PTPN6: variants seen among roughly 807,000 people sequenced by gnomAD.
PTPN6 encodes protein tyrosine phosphatase non-receptor type 6.
PTPN6 carries 18 observed loss-of-function variants against 81.5 expected under a neutral mutation model. The ratio of observed to expected loss-of-function variants is 0.22; its 90% confidence interval spans 0.15 to 0.33. The LOEUF (loss-of-function observed/expected upper bound fraction) is 0.33, where lower values mean the gene tolerates loss of function less well. Among genes scored for constraint, PTPN6 ranks in the 10% least tolerant of loss-of-function variants. The pLI, the probability that PTPN6 is intolerant of heterozygous loss-of-function variation, is 1.00. For synonymous variants in PTPN6, 301 were observed against 310.9 expected (o/e 0.97, Z 0.33); for missense variants, 500 against 794.2 (o/e 0.63, Z 4.45).
chr12:6,954,697 C>T lies in PTPN6; in HGVS notation c.327-108C>T. Reference sequence around the variant, plus strand: ...GGATTTGGAAGCATGTAGCGCAGTGCCTGGCACACAGTAGGTGCTTGATTT... The same window carrying T: ...GGATTTGGAAGCATGTAGCGCAGTGTCTGGCACACAGTAGGTGCTTGATTT... On this transcript the variant is annotated intron_variant, in intron 3 of 15. Transcript: ENST00000318974. The surrounding 1 kb of genome is among the most constrained non-coding windows in gnomAD (Gnocchi z 5.4). 1 of 1,132,880 alleles carries T rather than the reference C, an allele frequency of 8.8e-7. No homozygotes were observed. The highest frequency in any genetic ancestry group is 1.3e-5 in the South Asian group (1 of 75,368). 70.2% of individuals were successfully genotyped at this position (1,132,880 alleles called of 1,614,324 possible).
In PTPN6 at chr12:6,951,768, ACT is replaced by A. The variant is rs1555147797; in HGVS notation, c.131+42_131+43del. ...CCCCGCAACCCCGGGCATTTTGGCCACTCTCTTGTGCCATCCAGGCCCTGAAC... is the reference window on the plus strand; with the variant it reads ...CCCCGCAACCCCGGGCATTTTGGCCACTCTTGTGCCATCCAGGCCCTGAAC... On this transcript the variant is annotated intron_variant, in intron 2 of 15. Coordinates refer to ENST00000318974, the MANE Select transcript of PTPN6 (RefSeq NM_002831.6). The surrounding 1 kb of genome is among the most constrained non-coding windows in gnomAD (Gnocchi z 7.2). 6.2e-7 allele frequency: 1 copy of A among 1,606,352 alleles called. No individual in the cohort carries two copies. The highest frequency in any genetic ancestry group is 1.7e-5 in the Admixed American group (1 of 59,986).
chr12:6,948,524 GAAGA>G (rs1311788154), upstream of PTPN6, among the ~76,000 whole-genome samples: 4 of 145,126 alleles, frequency 2.8e-5, no homozygotes, highest in Admixed American at 1.4e-4. Flanking sequence ...GAGCGAGAAA[GAAGA>G]AAGAAAAGGA....
chr12:6,949,930 T>C (rs1487564903), upstream of PTPN6, among the ~76,000 whole-genome samples: 2 of 126,832 alleles, frequency 1.6e-5, no homozygotes, highest in African/African-American at 3.1e-5. Context: ...TACAGGCATG[T>C]GCCACCACAC....
chr12:6,958,136 G>A (rs1946065573), intron 11 of PTPN6, 63 bp downstream of exon 11: 2 of 1,588,524 alleles, frequency 1.3e-6, no homozygotes, highest in East Asian at 4.5e-5. Flanking sequence ...TAAGTGCCAT[G>A]AGCTGTTATA....
Position 6,954,035 on chromosome 12 carries a change from TAC to T in PTPN6, c.327-768_327-767del, listed in dbSNP as rs1183400925. 1.3e-5 allele frequency among the ~76,000 whole-genome samples: 2 copies of T among 152,218 alleles called. No individual in the cohort carries two copies. The highest frequency in any genetic ancestry group is 3.8e-4 in the East Asian group (2 of 5,196). The stretch of plus-strand genomic sequence containing the variant: ...CCTGTGGGGCTGGGCTTTGTGGGGC[TAC>T]AGTTTCCTCCTGGGAAAGGGGTGTG... On this transcript the variant is annotated intron_variant, in intron 3 of 15. Transcript: ENST00000318974. This position sits in a 1 kb window ranked among gnomAD's most constrained non-coding sequence, Gnocchi z 5.4.
In PTPN6 at chr12:6,952,428, C is replaced by G. The variant is rs1049721061; in HGVS notation, c.326+251C>G. On this transcript the variant is annotated intron_variant, in intron 3 of 15. Transcript: ENST00000318974. This position sits in a 1 kb window ranked among gnomAD's most constrained non-coding sequence, Gnocchi z 8.1. ...AAGCTGCCTCGCCCTACTCCGGGAGCCCTGGCCGCTGCAACCCAGGTCCCA... is the reference window on the plus strand; with the variant it reads ...AAGCTGCCTCGCCCTACTCCGGGAGGCCTGGCCGCTGCAACCCAGGTCCCA... 4 of 568,124 alleles carry G rather than the reference C, an allele frequency of 7.0e-6. No homozygotes were observed. The highest frequency in any genetic ancestry group is 5.6e-5 in the African/African-American group (3 of 53,326). The allele number at this position is 568,124 out of a possible 1,614,324, so 35.2% of individuals were successfully genotyped here. A position where few individuals can be genotyped will look rare whatever the true frequency, so the allele number is the denominator to read the frequency against.
At position 6,956,130 on chromosome 12, in the gene PTPN6, G is replaced by A. The variant is rs373467048; in HGVS notation, c.845-12G>A. On this transcript the variant is annotated splice_polypyrimidine_tract_variant and intron_variant, in intron 7 of 15. Coordinates refer to ENST00000318974, the MANE Select transcript of PTPN6 (RefSeq NM_002831.6). The surrounding 1 kb of genome is among the most constrained non-coding windows in gnomAD (Gnocchi z 4.1). The stretch of plus-strand genomic sequence containing the variant: ...ACCCAGACCATCTCGCCTCCTCTCC[G>A]CCCACTCCCAGTTGACCACAGCCGA... 2.3e-4 allele frequency: 378 copies of A among 1,614,016 alleles called. No homozygotes were observed. In the African/African-American group the frequency reaches 4.2e-3, roughly 18 times the overall value.
rs368398907 is a variant in PTPN6 at position 6,958,039 on chromosome 12, C to T, written c.1327C>T (p.Leu443=). 1 of 1,612,946 alleles carries T rather than the reference C, an allele frequency of 6.2e-7. No individual in the cohort carries two copies. Among genetic ancestry groups the T allele is most frequent in the Non-Finnish European group, 8.5e-7 (1 of 1,180,042 alleles). The change falls in exon 11 of 16, where the codon CTG becomes TTG. Residue 443 remains leucine (L), a synonymous_variant. Coordinates refer to ENST00000318974, the MANE Select transcript of PTPN6 (RefSeq NM_002831.6). ...CCAGATCAACCAGCGGCAGGAAAGT[C>T]TGCCTCACGCAGGGCCCATCATCGT... is the stretch of plus-strand genomic sequence containing the variant. ...LDQINQRQES[L]PHAGPIIVHC...
rs183860187 is a variant in PTPN6, at chr12:6,959,497, G to A, written c.1362-430G>A. The stretch of plus-strand genomic sequence containing the variant: ...GTCTCAGGGCTATCCTTTCCCTGAC[G>A]TCAGGGTTTGAAGGAAAAGGGAAGT... On this transcript the variant is annotated intron_variant, in intron 11 of 15. Transcript: ENST00000318974. This position sits in a 1 kb window ranked among gnomAD's most constrained non-coding sequence, Gnocchi z 6.6. 1.7e-5 allele frequency: 5 copies of A among 298,466 alleles called. No individual in the cohort carries two copies. The highest frequency in any genetic ancestry group is 3.3e-5 in the Non-Finnish European group (5 of 152,922). The allele number at this position is 298,466 out of a possible 1,614,324, so 18.5% of individuals were successfully genotyped here.
chr12:6,953,824 G>A (rs1555148134), intron 3 of PTPN6, among the ~76,000 whole-genome samples: 1 of 152,080 alleles, frequency 6.6e-6, no homozygotes, highest in Non-Finnish European at 1.5e-5. Context: ...GGGGTCTCTC[G>A]GCTGGAGTCA....
At chr12:6,946,857 C>A, upstream of PTPN6, 1 of 1,186,776 alleles carries the variant, frequency 8.4e-7, no homozygotes, top group Non-Finnish European at 1.2e-6. Flanking sequence ...CTGCCCTGCG[C>A]CTGTTTCCGG....
Position 6,954,695 on chromosome 12 carries a change from T to C in PTPN6, c.327-110T>C. The C allele has an allele frequency of 4.5e-6, 5 of 1,105,654 alleles. No homozygotes were observed. Among genetic ancestry groups the C allele is most frequent in the Non-Finnish European group, 6.6e-6 (5 of 757,996 alleles). 68.5% of individuals were successfully genotyped at this position (1,105,654 alleles called of 1,614,324 possible). On this transcript the variant is annotated intron_variant, in intron 3 of 15. Transcript: ENST00000318974. This position sits in a 1 kb window ranked among gnomAD's most constrained non-coding sequence, Gnocchi z 5.4. ...GTGGATTTGGAAGCATGTAGCGCAG[T>C]GCCTGGCACACAGTAGGTGCTTGAT...
At chr12:6,946,778 A>T (rs782803939), upstream of PTPN6, 1 of 1,592,972 alleles carries the variant, frequency 6.3e-7, no homozygotes, top group Non-Finnish European at 8.6e-7. Flanking sequence ...GTCTCCTGTT[A>T]GTTTTGGAGG....
rs1555149449 is a variant in PTPN6, at chr12:6,960,085, C to T, written c.1430-3C>T. 1.2e-6 allele frequency: 2 copies of T among 1,613,640 alleles called. No homozygotes were observed. Among genetic ancestry groups the T allele is most frequent in the Non-Finnish European group, 8.5e-7 (1 of 1,179,996 alleles). ...ACCTGAGGTTTGACTGCCCCCCACCCAGGCCTGGACTGTGACATTGACATC... is the reference window on the plus strand; with the variant it reads ...ACCTGAGGTTTGACTGCCCCCCACCTAGGCCTGGACTGTGACATTGACATC... On this transcript the variant is annotated splice_polypyrimidine_tract_variant and splice_region_variant and intron_variant, in intron 12 of 15. Coordinates refer to ENST00000318974, the MANE Select transcript of PTPN6 (RefSeq NM_002831.6). The surrounding 1 kb of genome is among the most constrained non-coding windows in gnomAD (Gnocchi z 6.1).
Position 6,951,919 on chromosome 12 carries a change from G to T in PTPN6, c.132-64G>T. 1 of 1,582,170 alleles carries T rather than the reference G, an allele frequency of 6.3e-7. No individual in the cohort carries two copies. The highest frequency in any genetic ancestry group is 2.3e-5 in the East Asian group (1 of 44,102). On this transcript the variant is annotated intron_variant, in intron 2 of 15. Transcript: ENST00000318974. The surrounding 1 kb of genome is among the most constrained non-coding windows in gnomAD (Gnocchi z 7.2). ...ATGTGTGCCCCCACCCAGGACCTCA[G>T]CCGATCCCTGCCCTCCTGCCTCTAC...
intron 11 of PTPN6, 29 bp downstream of exon 11, chr12:6,958,102 T>G: frequency 6.2e-7 from 1 of 1,605,720 alleles, no homozygotes; most frequent in East Asian, 2.2e-5. Context: ...ATGGTAGTAG[T>G]GACAGCTGAG....
Position 6,956,173 on chromosome 12 carries a change from G to C in PTPN6, c.876G>C (p.Arg292=), listed in dbSNP as rs781837203. 28 of 1,614,060 alleles carry C rather than the reference G, an allele frequency of 1.7e-5. No individual in the cohort carries two copies. In the African/African-American group the frequency reaches 3.2e-4, roughly 18 times the overall value. The change falls in exon 8 of 16, where the codon CGG becomes CGC. Residue 292 remains arginine (R), a synonymous_variant. Coordinates refer to ENST00000318974, the MANE Select transcript of PTPN6 (RefSeq NM_002831.6). The surrounding 1 kb of genome is among the most constrained non-coding windows in gnomAD (Gnocchi z 4.1). ...FDHSRVILQG[R]DSNIPGSDYI... ...ACAGCCGAGTGATCCTGCAGGGACG[G>C]GACAGTAACATCCCCGGGTCCGACT...
chr12:6,949,040 G>A (rs1157419840), upstream of PTPN6, among the ~76,000 whole-genome samples: 1 of 151,944 alleles, frequency 6.6e-6, no homozygotes, highest in Non-Finnish European at 1.5e-5. Flanking sequence ...GCTGATTCTT[G>A]CTTCTCACAC....
upstream of PTPN6, among the ~76,000 whole-genome samples, chr12:6,947,228 G>A (rs1945839043): frequency 6.6e-6 from 1 of 152,174 alleles, no homozygotes; most frequent in Non-Finnish European, 1.5e-5. Context: ...TGCACCAGGT[G>A]CTGTTTAAGA....
Sources: gnomAD v4.1 joint callset for allele counts (sites outside exome capture counted in the v4.1 genomes callset) on GRCh38, gnomAD v4.1.1 for gene constraint, Gnocchi (gnomAD v3.1) non-coding constraint, MANE v1.5 for transcripts, NCBI Gene and HGNC (gene_info 2026-07-23, HGNC 2026-07-21) for gene names.